PRKN: variants seen among roughly 807,000 people sequenced by gnomAD.
PRKN encodes the protein parkin RBR E3 ubiquitin protein ligase, also known as E3 ubiquitin-protein ligase parkin.
PRKN carries 56 observed loss-of-function variants against 59.5 expected under a neutral mutation model. The observed-to-expected ratio is 0.94, with a 90% CI of 0.76 to 1.18. The LOEUF (loss-of-function observed/expected upper bound fraction) is 1.18, where lower values mean the gene tolerates loss of function less well. Among genes scored for constraint, PRKN ranks in the 50% most tolerant of loss-of-function variants. The probability of loss-of-function intolerance (pLI) is 0.00; values close to 1 mark genes in which losing one functional copy is unlikely to be tolerated. For missense variants in PRKN, 657 were observed against 596.4 expected (o/e 1.10, Z -1.06); for synonymous variants, 250 against 222.1 (o/e 1.13, Z -1.12).
chr6:162,026,585 C>G (rs1414020003), intron 5 of PRKN, among the ~76,000 whole-genome samples: 1 of 152,164 alleles, frequency 6.6e-6, no homozygotes, highest in East Asian at 1.9e-4. Flanking sequence ...TGTTCTGAAG[C>G]TATATTACTT....
chr6:162,618,074 C>T (rs1423723623), intron 1 of PRKN, among the ~76,000 whole-genome samples: 1 of 152,124 alleles, frequency 6.6e-6, no homozygotes, highest in African/African-American at 2.4e-5. Flanking sequence ...AAACATTATT[C>T]TTTCTTTAGT....
intron 1 of PRKN, among the ~76,000 whole-genome samples, chr6:162,514,411 T>C (rs889159488): frequency 2.6e-5 from 4 of 152,192 alleles, no homozygotes; most frequent in Non-Finnish European, 5.9e-5. Context: ...CCCTGTATGA[T>C]AAATGACAGG....
intron 3 of PRKN, among the ~76,000 whole-genome samples, chr6:162,242,904 T>G (rs1779042530): frequency 6.6e-6 from 1 of 152,098 alleles, no homozygotes; most frequent in Non-Finnish European, 1.5e-5. Context: ...ATTCAACACT[T>G]ACATTTACAT....
At chr6:162,490,528 C>T (rs1251211527) in intron 1 of PRKN, among the ~76,000 whole-genome samples, 3 of 152,124 alleles carry the variant, frequency 2.0e-5, no homozygotes, top group African/African-American at 7.2e-5. Context: ...AATTTTTTCC[C>T]ATAGTTTCCT....
Position 161,529,683 on chromosome 6 carries a change from T to C in PRKN, c.1083+19171A>G, listed in dbSNP as rs1026776986. On this transcript the variant is annotated intron_variant, in intron 9 of 11. Coordinates refer to ENST00000366898, the MANE Select transcript of PRKN (RefSeq NM_004562.3). The surrounding 1 kb of genome is among the most constrained non-coding windows in gnomAD (Gnocchi z 4.4). ...GGAAGAAGCTGTCCTACATATAAGT[T>C]GTCTTCTGCAAAATAAGACACAAAA... Among the ~76,000 whole-genome samples the C allele has an allele frequency of 5.9e-5, 9 of 152,240 alleles. No individual in the cohort carries two copies. Among genetic ancestry groups the C allele is most frequent in the African/African-American group, 2.2e-4 (9 of 41,466 alleles).
Position 161,377,204 on chromosome 6 carries a change from C to G in PRKN, c.1167+9590G>C, listed in dbSNP as rs1785753028. 6.6e-6 allele frequency among the ~76,000 whole-genome samples: 1 copy of G among 152,204 alleles called. No homozygotes were observed. Among genetic ancestry groups the G allele is most frequent in the Admixed American group, 6.5e-5 (1 of 15,288 alleles). The stretch of plus-strand genomic sequence containing the variant: ...AACGATGGACCATTTGAAAGAGAGC[C>G]CCTGGCACGCTACCGAGCCCTGTGG... On this transcript the variant is annotated intron_variant, in intron 10 of 11. Coordinates refer to ENST00000366898, the MANE Select transcript of PRKN (RefSeq NM_004562.3). The surrounding 1 kb of genome is among the most constrained non-coding windows in gnomAD (Gnocchi z 4.2).
intron 1 of PRKN, among the ~76,000 whole-genome samples, chr6:162,646,647 A>G (rs1778198246): frequency 6.6e-6 from 1 of 152,150 alleles, no homozygotes; most frequent in African/African-American, 2.4e-5. Flanking sequence ...ATACATTCTG[A>G]GAAATGTGTC....
intron 6 of PRKN, among the ~76,000 whole-genome samples, chr6:161,839,406 G>A (rs1792891956): frequency 6.6e-6 from 1 of 152,074 alleles, no homozygotes; most frequent in Non-Finnish European, 1.5e-5. Context: ...TACTCTCTGG[G>A]TAGGCACAAG....
intron 4 of PRKN, among the ~76,000 whole-genome samples, chr6:162,191,560 A>G (rs1242745024): frequency 6.6e-6 from 1 of 152,102 alleles, no homozygotes; most frequent in Non-Finnish European, 1.5e-5. Flanking sequence ...CTCCTGCCTC[A>G]GCCTCCTGAG....
intron 1 of PRKN, among the ~76,000 whole-genome samples, chr6:162,458,012 T>G (rs1790963229): frequency 6.6e-6 from 1 of 151,778 alleles, no homozygotes; most frequent in African/African-American, 2.4e-5. Flanking sequence ...TCCAAGCTCT[T>G]TGAGAGGCTG....
At chr6:161,949,830 C>T (rs1046250887) in intron 6 of PRKN, among the ~76,000 whole-genome samples, 2 of 152,194 alleles carry the variant, frequency 1.3e-5, no homozygotes, top group South Asian at 2.1e-4. Flanking sequence ...GGGCAGCACA[C>T]GGCACTGGGG....
At chr6:162,537,873 A>G (rs973914353) in intron 1 of PRKN, among the ~76,000 whole-genome samples, 3 of 152,116 alleles carry the variant, frequency 2.0e-5, no homozygotes, top group African/African-American at 7.2e-5. Context: ...GTGAAAACAC[A>G]AGTCATCAGG....
intron 3 of PRKN, among the ~76,000 whole-genome samples, chr6:162,247,644 C>T (rs1242366974): frequency 6.6e-6 from 1 of 151,886 alleles, no homozygotes; most frequent in Non-Finnish European, 1.5e-5. Context: ...GAATTCTTAC[C>T]AAGGCATAGT....
At chr6:162,279,555 G>T (rs186883805) in intron 2 of PRKN, among the ~76,000 whole-genome samples, 22 of 152,206 alleles carry the variant, frequency 1.4e-4, no homozygotes, top group Admixed American at 1.1e-3. Context: ...GAGACTGTTT[G>T]TTATGATTTC....
At chr6:162,263,732 T>G (rs1335787467) in intron 2 of PRKN, among the ~76,000 whole-genome samples, 1 of 151,614 alleles carries the variant, frequency 6.6e-6, no homozygotes, top group African/African-American at 2.4e-5. Flanking sequence ...GGTGGGTGGA[T>G]AGCCTGAGGT....
At chr6:161,969,281 T>A (rs918202720) in intron 6 of PRKN, among the ~76,000 whole-genome samples, 1 of 151,732 alleles carries the variant, frequency 6.6e-6, no homozygotes, top group Non-Finnish European at 1.5e-5. Context: ...TTTTTTTTTT[T>A]TTTTTAACTG....
At position 161,538,171 on chromosome 6, in the gene PRKN, T is replaced by G. The variant is rs77436094; in HGVS notation, c.1083+10683A>C. The stretch of plus-strand genomic sequence containing the variant: ...GCAGCAATAGGCCCGCTTGACAAAT[T>G]ACCTCCTAGAGTGCAAGAGTGAGGC... On this transcript the variant is annotated intron_variant, in intron 9 of 11. Coordinates refer to ENST00000366898, the MANE Select transcript of PRKN (RefSeq NM_004562.3). This position sits in a 1 kb window ranked among gnomAD's most constrained non-coding sequence, Gnocchi z 4.2. 8.7e-3 allele frequency among the ~76,000 whole-genome samples: 1,318 copies of G among 152,212 alleles called. 14 individuals carry two copies. Among genetic ancestry groups the G allele is most frequent in the African/African-American group, 0.029 (1,195 of 41,532 alleles).
chr6:162,022,510 C>T (rs1582910384), intron 5 of PRKN, among the ~76,000 whole-genome samples: 2 of 152,048 alleles, frequency 1.3e-5, no homozygotes, highest in African/African-American at 4.8e-5. Context: ...CCTTTGTCCC[C>T]TTTTAACCGG....
At chr6:162,673,993 G>A (rs1017044030) in intron 1 of PRKN, among the ~76,000 whole-genome samples, 8 of 152,146 alleles carry the variant, frequency 5.3e-5, no homozygotes, top group African/African-American at 1.9e-4. Context: ...CATACAGAAT[G>A]GAGCTCTTAT....
Sources: gnomAD v4.1 joint callset for allele counts (sites outside exome capture counted in the v4.1 genomes callset) on GRCh38, gnomAD v4.1.1 for gene constraint, Gnocchi (gnomAD v3.1) non-coding constraint, MANE v1.5 for transcripts, NCBI Gene and HGNC (gene_info 2026-07-23, HGNC 2026-07-21) for gene names.